Variants in CRY1 observed in about 807,000 individuals in gnomAD.
CRY1 encodes cryptochrome-1.
A neutral mutation model predicts 76.0 loss-of-function variants in CRY1; 45 were observed. The observed-to-expected ratio is 0.59, with a 90% confidence interval of 0.47 to 0.76. The LOEUF (loss-of-function observed/expected upper bound fraction) is 0.76. CRY1 is among the 30% of genes least tolerant of loss of function. The pLI is 0.00. For synonymous variants in CRY1, 248 were observed against 244.0 expected, an observed-to-expected ratio of 1.02 and a Z score of -0.15; for missense variants, 587 against 716.4, an observed-to-expected ratio of 0.82 and a Z score of 2.06.
intron 1 of CRY1, among the ~76,000 whole-genome samples, chr12:107,087,029 A>C (rs1953410522): frequency 6.6e-6 from 1 of 152,242 alleles, no homozygotes; most frequent in African/African-American, 2.4e-5. Context: ...AAAGAAAGGA[A>C]AAGAAAAGAG....
intron 1 of CRY1, among the ~76,000 whole-genome samples, chr12:107,080,753 G>C (rs555217212): frequency 6.6e-6 from 1 of 152,056 alleles, no homozygotes; most frequent in East Asian, 1.9e-4. Flanking sequence ...GAGTGAAGCC[G>C]GACATGCCTT....
intron 1 of CRY1, among the ~76,000 whole-genome samples, chr12:107,029,668 A>G (rs1420898783): frequency 6.6e-6 from 1 of 152,044 alleles, no homozygotes; most frequent in Non-Finnish European, 1.5e-5. Context: ...CAAAATTTCT[A>G]AAATGTGTTT....
Position 106,997,617 on chromosome 12 carries a change from G to A in CRY1, c.1363C>T (p.Gln455Ter). The part of the protein sequence containing the change: ...YDPWNAPEGI[Q>*]KVAKCLIGVN... ...CCTATCAAACATTTGGCTACCTTTT[G>A]GATACCTTCTGGTGCATTCCAGGGA... Residue 455 changes from glutamine to a stop codon, truncating the protein, a stop_gained, in exon 9 of 13, where the codon CAA (glutamine) becomes TAA (stop). Coordinates refer to ENST00000008527, the MANE Select transcript of CRY1 (RefSeq NM_004075.5). LOFTEE classifies it high-confidence loss of function. 3 of 1,613,992 alleles carry A rather than the reference G, an allele frequency of 1.9e-6. No individual in the cohort carries two copies. The highest frequency in any genetic ancestry group is 2.5e-6 in the Non-Finnish European group (3 of 1,179,972).
At chr12:107,058,652 T>G (rs1398324550) in intron 1 of CRY1, among the ~76,000 whole-genome samples, 2 of 152,236 alleles carry the variant, frequency 1.3e-5, no homozygotes, top group Non-Finnish European at 2.9e-5. Context: ...CTTTTCACTT[T>G]CTGATTATTA....
chr12:107,055,562 G>C (rs1271978814), intron 1 of CRY1, among the ~76,000 whole-genome samples: 2 of 151,894 alleles, frequency 1.3e-5, no homozygotes, highest in Non-Finnish European at 2.9e-5. Flanking sequence ...AAAAAAAGCA[G>C]AACAAAGAAA....
chr12:107,031,983 A>G (rs1045707292), intron 1 of CRY1, among the ~76,000 whole-genome samples: 1 of 152,176 alleles, frequency 6.6e-6, no homozygotes, highest in African/African-American at 2.4e-5. Flanking sequence ...CGCCCAGGAT[A>G]GAGTGCAGTG....
chr12:107,059,513 A>G (rs1471220891), intron 1 of CRY1, among the ~76,000 whole-genome samples: 1 of 152,178 alleles, frequency 6.6e-6, no homozygotes, highest in East Asian at 1.9e-4. Context: ...TCAGCCTCCC[A>G]AAGTGTTGAG....
intron 1 of CRY1, among the ~76,000 whole-genome samples, chr12:107,054,198 G>C (rs934637575): frequency 6.6e-6 from 1 of 152,046 alleles, no homozygotes; most frequent in Non-Finnish European, 1.5e-5. Flanking sequence ...ACCAGAATTA[G>C]AATATATAAA....
At chr12:107,089,272 T>C (rs1193911548) in intron 1 of CRY1, among the ~76,000 whole-genome samples, 1 of 152,160 alleles carries the variant, frequency 6.6e-6, no homozygotes, top group Non-Finnish European at 1.5e-5. Flanking sequence ...AGCTTGTAAA[T>C]TTACCCAAAT....
chr12:107,088,208 T>C (rs969481480), intron 1 of CRY1, among the ~76,000 whole-genome samples: 2 of 152,300 alleles, frequency 1.3e-5, no homozygotes, highest in South Asian at 2.1e-4. Flanking sequence ...CATGAATGGC[T>C]TGGTGCTATC....
intron 1 of CRY1, among the ~76,000 whole-genome samples, chr12:107,052,987 C>A (rs1158705553): frequency 6.6e-6 from 1 of 152,134 alleles, no homozygotes; most frequent in Non-Finnish European, 1.5e-5. Flanking sequence ...ACCAGAGAAT[C>A]TGAAGGGAAA....
chr12:106,998,594 T>C (rs1256011450), intron 7 of CRY1, among the ~76,000 whole-genome samples: 1 of 152,000 alleles, frequency 6.6e-6, no homozygotes, highest in African/African-American at 2.4e-5. Context: ...TTTTTATATA[T>C]ATTCATTAAG....
At chr12:107,017,770 C>CA (rs903742324) in intron 2 of CRY1, among the ~76,000 whole-genome samples, 1 of 152,168 alleles carries the variant, frequency 6.6e-6, no homozygotes, top group African/African-American at 2.4e-5. Context: ...GAAAGAGCTG[C>CA]AAAATATTGT....
At chr12:107,051,751 C>T (rs1952923906) in intron 1 of CRY1, among the ~76,000 whole-genome samples, 1 of 152,092 alleles carries the variant, frequency 6.6e-6, no homozygotes, top group Non-Finnish European at 1.5e-5. Flanking sequence ...TAGCACAAGT[C>T]TATATAACTT....
chr12:106,992,407 T>C (rs1295552720), intron 12 of CRY1: 1 of 157,900 alleles, frequency 6.3e-6, no homozygotes, highest in Non-Finnish European at 1.4e-5. Context: ...GAGGCAAAGA[T>C]TTAGGGGAAA....
chr12:107,022,350 AT>A (rs1003578900), intron 1 of CRY1, among the ~76,000 whole-genome samples, 158 bp from the exon 2 acceptor site: 4 of 152,090 alleles, frequency 2.6e-5, no homozygotes, highest in Non-Finnish European at 4.4e-5. Flanking sequence ...ACTAATATAT[AT>A]TTTTTAATTA....
chr12:107,077,181 C>G (rs1461855684), intron 1 of CRY1, among the ~76,000 whole-genome samples: 1 of 151,984 alleles, frequency 6.6e-6, no homozygotes, highest in African/African-American at 2.4e-5. Flanking sequence ...ACACACACCT[C>G]TAGAACTCAC....
intron 9 of CRY1, 28 bp from the exon 10 acceptor site, chr12:106,997,414 A>AT (rs1485119255): frequency 6.2e-7 from 1 of 1,612,182 alleles, no homozygotes; most frequent in African/African-American, 1.3e-5. Flanking sequence ...TTTCTTTTAA[A>AT]TTATGATCAA....
chr12:107,030,745 T>C (rs1045238640), intron 1 of CRY1, among the ~76,000 whole-genome samples: 1 of 136,454 alleles, frequency 7.3e-6, no homozygotes, highest in Non-Finnish European at 1.6e-5. Flanking sequence ...AAGTGTATTA[T>C]GGTAGCCCAG....
Sources: gnomAD v4.1 joint callset for allele counts (sites outside exome capture counted in the v4.1 genomes callset) on GRCh38, gnomAD v4.1.1 for gene constraint, MANE v1.5 for transcripts, NCBI Gene and HGNC (gene_info 2026-07-23, HGNC 2026-07-21) for gene names.